ADAMTS5: variants seen among roughly 807,000 people sequenced by gnomAD.
The protein encoded by ADAMTS5 is A disintegrin and metalloproteinase with thrombospondin motifs 5.
In ADAMTS5, 54 loss-of-function variants were observed where a neutral mutation model predicts 81.4. The ratio of observed to expected loss-of-function variants is 0.66; its 90% CI spans 0.53 to 0.83. The LOEUF (loss-of-function observed/expected upper bound fraction) is 0.83, where lower values mean the gene tolerates loss of function less well. Ranked by LOEUF, ADAMTS5 falls within the 40% of genes least tolerant of loss-of-function variation. The pLI, the probability that ADAMTS5 is intolerant of heterozygous loss-of-function variation, is 0.00. For synonymous variants in ADAMTS5, 532 were observed against 508.8 expected, an observed-to-expected ratio of 1.05 and a Z score of -0.61; for missense variants, 1,194 against 1,229.9, an observed-to-expected ratio of 0.97 and a Z score of 0.44.
intron 7 of ADAMTS5, among the ~76,000 whole-genome samples, chr21:26,929,673 C>T (rs1788921156): frequency 6.6e-6 from 1 of 152,132 alleles, no homozygotes; most frequent in Admixed American, 6.5e-5. Context: ...TGCAGTTTAT[C>T]TGCTTCCAGA....
intron 6 of ADAMTS5, among the ~76,000 whole-genome samples, chr21:26,930,664 G>C (rs1986890770): frequency 6.6e-6 from 1 of 152,146 alleles, no homozygotes; most frequent in Non-Finnish European, 1.5e-5. Flanking sequence ...AAACGGATTA[G>C]TGTATAGTTT....
chr21:26,927,138 C>T (rs1007321557), intron 7 of ADAMTS5, among the ~76,000 whole-genome samples: 1 of 152,178 alleles, frequency 6.6e-6, no homozygotes, highest in Non-Finnish European at 1.5e-5. Flanking sequence ...ACAACTCTTA[C>T]AAAGTATGGC....
Position 26,966,309 on chromosome 21 carries a change from TGGG to T in ADAMTS5, c.80_82del (p.Ala27_Gln28delinsGlu), listed in dbSNP as rs1489415133. On this transcript the variant is annotated inframe_deletion, in exon 1 of 8. Transcript: ENST00000284987. ...AGTCGGAGGCTGCCCGGCTTTATCC[TGGG>T]CAGGTGTCGCGGCGGGGCCGACCGC... The T allele has an allele frequency of 6.6e-7, 1 of 1,523,122 alleles. No homozygotes were observed. The highest frequency in any genetic ancestry group is 8.7e-7 in the Non-Finnish European group (1 of 1,143,404). 94.4% of individuals were successfully genotyped at this position (1,523,122 alleles called of 1,614,324 possible).
At chr21:26,951,061 A>G (rs754838562) in intron 2 of ADAMTS5, among the ~76,000 whole-genome samples, 15 of 152,088 alleles carry the variant, frequency 9.9e-5, no homozygotes, top group Non-Finnish European at 1.9e-4. Context: ...GGGTCTCCCT[A>G]TGTTGCCCAG....
Position 26,966,469 on chromosome 21 carries a change from G to C in ADAMTS5, c.-78C>G. 1 of 1,344,652 alleles carries C rather than the reference G, an allele frequency of 7.4e-7. No homozygotes were observed. Among genetic ancestry groups the C allele is most frequent in the African/African-American group, 1.5e-5 (1 of 64,588 alleles). The allele number at this position is 1,344,652 out of a possible 1,614,324, so 83.3% of individuals were successfully genotyped here. On this transcript the variant is annotated 5_prime_UTR_variant, in exon 1 of 8. Coordinates refer to ENST00000284987, the MANE Select transcript of ADAMTS5 (RefSeq NM_007038.5). Reference sequence around the variant, plus strand: ...TTATTTGCTATGAAGTTAACGGGGCGGGGGATGGGGACACACACACACTTG... The same window carrying C: ...TTATTTGCTATGAAGTTAACGGGGCCGGGGATGGGGACACACACACACTTG...
At chr21:26,941,435 ACT>A (rs1451111607) in intron 3 of ADAMTS5, among the ~76,000 whole-genome samples, 3 of 152,216 alleles carry the variant, frequency 2.0e-5, no homozygotes, top group Admixed American at 6.5e-5. Context: ...CAGAGCATAG[ACT>A]CTTTTAAATA....
intron 3 of ADAMTS5, 101 bp from the exon 4 acceptor site, chr21:26,934,850 G>A (rs1051838942): frequency 4.8e-6 from 7 of 1,468,600 alleles, no homozygotes; most frequent in Admixed American, 1.9e-5. Flanking sequence ...GTTGGAGCAC[G>A]AGGCACCCAT....
At chr21:26,944,897 T>C (rs888553096) in intron 2 of ADAMTS5, among the ~76,000 whole-genome samples, 1 of 152,142 alleles carries the variant, frequency 6.6e-6, no homozygotes, top group African/African-American at 2.4e-5. Context: ...TGGCTAGGGC[T>C]CGGTGACCTT....
At chr21:26,939,912 G>A (rs141988606) in intron 3 of ADAMTS5, among the ~76,000 whole-genome samples, 2 of 152,296 alleles carry the variant, frequency 1.3e-5, no homozygotes, top group Non-Finnish European at 2.9e-5. Context: ...TTGGGAGGAG[G>A]GGGGTCCCAT....
intron 7 of ADAMTS5, among the ~76,000 whole-genome samples, chr21:26,926,429 T>C (rs1021098117): frequency 1.3e-5 from 2 of 152,104 alleles, no homozygotes; most frequent in African/African-American, 4.8e-5. Flanking sequence ...TCCCAGCACT[T>C]TGGGAGACTG....
Position 26,956,939 on chromosome 21 carries a change from C to T in ADAMTS5, c.1105-2068G>A, listed in dbSNP as rs556103704. ...TTGGCCTTTTGCCACGGAAATGTGA[C>T]AAAATTATGAACAGAAGCACTTGTT... On this transcript the variant is annotated intron_variant, in intron 1 of 7. Coordinates refer to ENST00000284987, the MANE Select transcript of ADAMTS5 (RefSeq NM_007038.5). Among the ~76,000 whole-genome samples, 4 of 152,286 alleles carry T rather than the reference C, an allele frequency of 2.6e-5. No individual in the cohort carries two copies. The East Asian group carries it at 7.7e-4, about 29-fold the overall frequency.
chr21:26,932,904 C>T lies in ADAMTS5; in HGVS notation c.1830G>A (p.Arg610=). 1 of 1,613,768 alleles carries T rather than the reference C, an allele frequency of 6.2e-7. No homozygotes were observed. Among genetic ancestry groups the T allele is most frequent in the East Asian group, 2.2e-5 (1 of 44,838 alleles). ...RNNGRYCTGK[R]AIYRSCSLMP... ...TGAGACTGCAGGAGCGGTAGATGGCCCTCTTCCCTGTGCAGTAGCGTCCGT... is the reference window on the plus strand; with the variant it reads ...TGAGACTGCAGGAGCGGTAGATGGCTCTCTTCCCTGTGCAGTAGCGTCCGT... Residue 610 remains arginine, a synonymous_variant, in exon 5 of 8, where the codon AGG becomes AGA. Coordinates refer to ENST00000284987, the MANE Select transcript of ADAMTS5 (RefSeq NM_007038.5).
In ADAMTS5 at chr21:26,954,844, T is replaced by A. The variant is rs1284856731; in HGVS notation, c.1132A>T (p.Thr378Ser). 1.2e-6 allele frequency: 2 copies of A among 1,613,854 alleles called. No homozygotes were observed. The highest frequency in any genetic ancestry group is 1.7e-6 in the Non-Finnish European group (2 of 1,179,964). The change falls in exon 2 of 8, where the codon ACC becomes TCC. Residue 378 changes from threonine (T) to serine (S), a missense_variant. Thr to Ser is a moderately conservative substitution (Grantham distance 58). This residue lies in a region of ADAMTS5 where 696 missense variants were observed against 817.6 expected (regional missense o/e 0.85). Coordinates refer to ENST00000284987, the MANE Select transcript of ADAMTS5 (RefSeq NM_007038.5). ...EDLCGHHSCDTLGMADVGTIC... is the reference protein window; with the variant it reads ...EDLCGHHSCDSLGMADVGTIC... The stretch of plus-strand genomic sequence containing the variant: ...GTCCCAACGTCTGCCATTCCCAGGG[T>A]GTCACATGAATGATGCCCACATAAA...
chr21:26,932,049 G>A lies in ADAMTS5; in HGVS notation c.2004C>T (p.Thr668=), dbSNP rs1468143424. 6.2e-7 allele frequency: 1 copy of A among 1,614,092 alleles called. No individual in the cohort carries two copies. Among genetic ancestry groups the A allele is most frequent in the Non-Finnish European group, 8.5e-7 (1 of 1,179,966 alleles). ...GVLPADVCKL[T]CRAKGTGYYV... ...AGTAGCCAGTGCCCTTGGCTCTGCA[G>A]GTCAGCTTGCACACATCCGCTGGCA... is the stretch of plus-strand genomic sequence containing the variant. The change falls in exon 6 of 8, where the codon ACC becomes ACT. Residue 668 remains threonine (T), a synonymous_variant. Transcript: ENST00000284987.
At chr21:26,931,247 A>T (rs1277812416) in intron 6 of ADAMTS5, among the ~76,000 whole-genome samples, 1 of 152,046 alleles carries the variant, frequency 6.6e-6, no homozygotes, top group Non-Finnish European at 1.5e-5. Flanking sequence ...GGGTTTCACC[A>T]TGTTGGTCAG....
At chr21:26,931,903 C>A in intron 6 of ADAMTS5, 101 bp downstream of exon 6, 1 of 1,254,100 alleles carries the variant, frequency 8.0e-7, no homozygotes, top group Non-Finnish European at 1.1e-6. Flanking sequence ...CTAACTGACC[C>A]CAAACTAATA....
rs764089045 is a variant in ADAMTS5 at position 26,965,417 on chromosome 21, G to C, written c.975C>G (p.Asp325Glu). Residue 325 changes from aspartate to glutamate, a missense_variant, in exon 1 of 8, where the codon GAC (aspartate) becomes GAG (glutamate). Transcript: ENST00000284987. ...VVKVVVLGDK[D>E]KSLEVSKNAA... The stretch of plus-strand genomic sequence containing the variant: ...CGTTCTTGCTCACTTCCAGGCTCTT[G>C]TCCTTGTCGCCTAGCACCACCACCT... 4 of 1,614,260 alleles carry C rather than the reference G, an allele frequency of 2.5e-6. No individual in the cohort carries two copies. Among genetic ancestry groups the C allele is most frequent in the South Asian group, 2.2e-5 (2 of 91,090 alleles).
intron 7 of ADAMTS5, among the ~76,000 whole-genome samples, chr21:26,925,914 G>A (rs1006268821): frequency 6.6e-6 from 1 of 152,174 alleles, no homozygotes; most frequent in Non-Finnish European, 1.5e-5. Flanking sequence ...TGTCTAACTC[G>A]ATTCATTATT....
Position 26,930,836 on chromosome 21 carries a change from T to G in ADAMTS5, c.2050-775A>C, listed in dbSNP as rs140996803. 3.9e-3 allele frequency among the ~76,000 whole-genome samples: 597 copies of G among 152,228 alleles called. 3 individuals carry two copies. Among genetic ancestry groups the G allele is most frequent in the African/African-American group, 0.014 (569 of 41,526 alleles). On this transcript the variant is annotated intron_variant, in intron 6 of 7. Coordinates refer to ENST00000284987, the MANE Select transcript of ADAMTS5 (RefSeq NM_007038.5). The stretch of plus-strand genomic sequence containing the variant: ...TGTATGAGTATGTTGTGAATGCGTG[T>G]GTGTGTGAGTTGAAGTAGAATATAC...
Sources: gnomAD v4.1 joint callset for allele counts (sites outside exome capture counted in the v4.1 genomes callset) on GRCh38, gnomAD v4.1.1 for gene constraint, gnomAD v4.1.1 regional missense constraint, MANE v1.5 for transcripts, NCBI Gene and HGNC (gene_info 2026-07-23, HGNC 2026-07-21) for gene names.